PRKAR1B: variants seen among roughly 807,000 people sequenced by gnomAD.
The protein encoded by PRKAR1B is protein kinase cAMP-dependent type I regulatory subunit beta.
Under a neutral mutation model 46.5 loss-of-function variants are expected in PRKAR1B, and 22 were observed. The ratio of observed to expected loss-of-function variants is 0.47; its 90% CI spans 0.34 to 0.68. PRKAR1B has a LOEUF of 0.68. Among genes scored for constraint, PRKAR1B ranks in the 30% least tolerant of loss-of-function variants. The probability of loss-of-function intolerance (pLI) is 0.01; values close to 1 mark genes in which losing one functional copy is unlikely to be tolerated. For synonymous variants in PRKAR1B, 259 were observed against 217.7 expected (o/e 1.19, Z -1.67); for missense variants, 445 against 535.6 (o/e 0.83, Z 1.67).
At position 667,763 on chromosome 7, in the gene PRKAR1B, C is replaced by A. The variant is rs1260380220; in HGVS notation, c.440+9466G>T. 6.6e-6 allele frequency among the ~76,000 whole-genome samples: 1 copy of A among 152,132 alleles called. No homozygotes were observed. The highest frequency in any genetic ancestry group is 2.4e-5 in the African/African-American group (1 of 41,408). On this transcript the variant is annotated intron_variant, in intron 4 of 10. Transcript: ENST00000537384. The surrounding 1 kb of genome is among the most constrained non-coding windows in gnomAD (Gnocchi z 4.3). ...GGAGTTGTGGGGCCTTGGACAAGGA[C>A]AGGGAAGGAAACTGAGGCTGTGAGG...
chr7:607,870 A>G, intron 4 of PRKAR1B: 1 of 194,100 alleles, frequency 5.2e-6, no homozygotes, highest in South Asian at 8.6e-5. Context: ...TTCAGGGAGA[A>G]CACTTTCAGT....
intron 9 of PRKAR1B, among the ~76,000 whole-genome samples, chr7:567,536 TATCACCATCA>T: frequency 7.4e-6 from 1 of 135,214 alleles, no homozygotes; most frequent in Non-Finnish European, 1.6e-5. Context: ...CCATCATCAC[TATCACCATCA>T]TCATCACCAT....
intron 9 of PRKAR1B, among the ~76,000 whole-genome samples, chr7:563,871 G>A (rs999954428): frequency 6.6e-6 from 1 of 151,662 alleles, no homozygotes; most frequent in African/African-American, 2.4e-5. Flanking sequence ...GGTGTGCATG[G>A]GTTGTGGGTG....
At chr7:651,640 G>A (rs891328292) in intron 4 of PRKAR1B, among the ~76,000 whole-genome samples, 44 of 151,978 alleles carry the variant, frequency 2.9e-4, no homozygotes, top group Non-Finnish European at 2.8e-4. Flanking sequence ...CCCACACAGC[G>A]CTAGGAACCT....
chr7:727,314 C>A (rs942126684), upstream of PRKAR1B: 4 of 1,283,310 alleles, frequency 3.1e-6, no homozygotes, highest in African/African-American at 1.6e-5. Flanking sequence ...AGGCCACGCC[C>A]GGTGAGCACC....
intron 4 of PRKAR1B, among the ~76,000 whole-genome samples, chr7:629,884 A>T (rs71518335): frequency 9.9e-4 from 9 of 9,122 alleles, no homozygotes; most frequent in South Asian, 0.02. Context: ...CTGCAGGAGC[A>T]GGGCCACGGC....
chr7:610,585 C>G (rs1023680028), intron 4 of PRKAR1B, among the ~76,000 whole-genome samples: 1 of 152,350 alleles, frequency 6.6e-6, no homozygotes, highest in East Asian at 1.9e-4. Context: ...GTCACCAGCT[C>G]ATCGCCGACA....
In PRKAR1B at chr7:602,035, C is replaced by T. The variant is rs1013862074; in HGVS notation, c.549+4158G>A. ...CTCACTCTTTCCTTTCTCAAAATTGCCTCCCAACGTCCCCGGGCCTGGCGA... is the reference window on the plus strand; with the variant it reads ...CTCACTCTTTCCTTTCTCAAAATTGTCTCCCAACGTCCCCGGGCCTGGCGA... On this transcript the variant is annotated intron_variant, in intron 6 of 10. Transcript: ENST00000537384. This position sits in a 1 kb window ranked among gnomAD's most constrained non-coding sequence, Gnocchi z 6.4. Among the ~76,000 whole-genome samples the T allele has an allele frequency of 1.3e-5, 2 of 152,180 alleles. No individual in the cohort carries two copies. The highest frequency in any genetic ancestry group is 2.9e-5 in the Non-Finnish European group (2 of 68,030).
intron 4 of PRKAR1B, among the ~76,000 whole-genome samples, chr7:617,563 C>T (rs1049543322): frequency 6.6e-6 from 1 of 152,224 alleles, no homozygotes; most frequent in Non-Finnish European, 1.5e-5. Flanking sequence ...CAGACCCACA[C>T]TAACATCAGG....
At chr7:580,744 CAA>C (rs754143077) in intron 8 of PRKAR1B, among the ~76,000 whole-genome samples, 15,444 of 117,368 alleles carry the variant, frequency 0.13, 1,023 homozygotes, top group Non-Finnish European at 0.18. Context: ...TCTTTTTTGA[CAA>C]AAAAAAAAAA....
In PRKAR1B at chr7:584,570, T is replaced by C; in HGVS notation, c.709-2A>G. ...CTTGCGTTTCCTCAGCGTGCTGCCC[T>C]GTTCGGGAGAAAGTAAAAAACAGAC... On this transcript the variant is annotated splice_acceptor_variant, in intron 7 of 10. Transcript: ENST00000537384. LOFTEE classifies it high-confidence loss of function. 1 of 1,613,342 alleles carries C rather than the reference T, an allele frequency of 6.2e-7. No homozygotes were observed. The highest frequency in any genetic ancestry group is 8.5e-7 in the Non-Finnish European group (1 of 1,179,660).
intron 8 of PRKAR1B, among the ~76,000 whole-genome samples, chr7:582,863 G>A (rs1780274566): frequency 6.6e-6 from 1 of 152,260 alleles, no homozygotes; most frequent in Non-Finnish European, 1.5e-5. Context: ...TTTTGCAGAG[G>A]GAGCAAATGT....
chr7:591,413 G>A (rs1163023290), intron 7 of PRKAR1B, among the ~76,000 whole-genome samples: 1 of 152,044 alleles, frequency 6.6e-6, no homozygotes, highest in East Asian at 1.9e-4. Flanking sequence ...CACGGGGAGG[G>A]CGGGGGCGCT....
intron 2 of PRKAR1B, chr7:696,862 G>C (rs1010290766): frequency 1.3e-5 from 2 of 152,494 alleles, no homozygotes; most frequent in South Asian, 2.1e-4. Flanking sequence ...TGGGAGAAAG[G>C]GGGACAGCGA....
chr7:622,219 C>G (rs1262219160), intron 4 of PRKAR1B, among the ~76,000 whole-genome samples: 1 of 152,228 alleles, frequency 6.6e-6, no homozygotes, highest in Non-Finnish European at 1.5e-5. Context: ...AGGATGGGCA[C>G]CCACAGCCCC....
chr7:550,773 G>A (rs1784132994), intron 10 of PRKAR1B, among the ~76,000 whole-genome samples, 171 bp from the exon 11 acceptor site: 1 of 152,202 alleles, frequency 6.6e-6, no homozygotes. Context: ...AACTATTTGG[G>A]ATATACTTAT....
chr7:675,827 T>C (rs1786548775), intron 4 of PRKAR1B, among the ~76,000 whole-genome samples: 1 of 152,078 alleles, frequency 6.6e-6, no homozygotes, highest in Admixed American at 6.6e-5. Flanking sequence ...GATCCTGTAA[T>C]CCCAGATACT....
chr7:710,514 G>GA (rs1780563135), intron 2 of PRKAR1B, among the ~76,000 whole-genome samples: 1 of 152,126 alleles, frequency 6.6e-6, no homozygotes, highest in African/African-American at 2.4e-5. Context: ...AGAAGACCGT[G>GA]AGCAGGCCTG....
In PRKAR1B at chr7:593,588, G is replaced by T. The variant is rs933534073; in HGVS notation, c.708+2558C>A. Among the ~76,000 whole-genome samples, 1 of 152,170 alleles carries T rather than the reference G, an allele frequency of 6.6e-6. No individual in the cohort carries two copies. Among genetic ancestry groups the T allele is most frequent in the Non-Finnish European group, 1.5e-5 (1 of 68,036 alleles). ...AACGGCTTATGCAACGCCGGGCCAG[G>T]TGCGCCCAGAGGAGATGGGAACCGC... On this transcript the variant is annotated intron_variant, in intron 7 of 10. Coordinates refer to ENST00000537384, the MANE Select transcript of PRKAR1B (RefSeq NM_001164760.2). The surrounding 1 kb of genome is among the most constrained non-coding windows in gnomAD (Gnocchi z 6.1).
Sources: gnomAD v4.1 joint callset for allele counts (sites outside exome capture counted in the v4.1 genomes callset) on GRCh38, gnomAD v4.1.1 for gene constraint, Gnocchi (gnomAD v3.1) non-coding constraint, MANE v1.5 for transcripts, NCBI Gene and HGNC (gene_info 2026-07-23, HGNC 2026-07-21) for gene names.